Variants in CTNNA3 observed in about 807,000 individuals in gnomAD.
CTNNA3 encodes the protein catenin alpha-3.
In CTNNA3, 76 loss-of-function variants were observed where a neutral mutation model predicts 95.7. That is an observed-to-expected ratio of 0.79 (90% confidence interval 0.66 to 0.96). The LOEUF (loss-of-function observed/expected upper bound fraction) is 0.96, where lower values mean the gene tolerates loss of function less well. Among genes scored for constraint, CTNNA3 ranks in the 40% least tolerant of loss-of-function variants. CTNNA3 has a pLI of 0.00. For missense variants in CTNNA3, 1,191 were observed against 1,089.8 expected, an observed-to-expected ratio of 1.09 and a Z score of -1.31; for synonymous variants, 431 against 374.4, an observed-to-expected ratio of 1.15 and a Z score of -1.74.
At chr10:66,441,012 C>G (rs1209270081) in intron 11 of CTNNA3, among the ~76,000 whole-genome samples, 1 of 151,918 alleles carries the variant, frequency 6.6e-6, no homozygotes, top group Non-Finnish European at 1.5e-5. Context: ...TCTCTGGCAC[C>G]AAGCCAGGCA....
At chr10:67,667,747 A>T (rs191458926) in intron 1 of CTNNA3, among the ~76,000 whole-genome samples, 141 of 152,262 alleles carry the variant, frequency 9.3e-4, no homozygotes, top group African/African-American at 3.0e-3. Flanking sequence ...ATAACTAACA[A>T]TAGCCAGGTA....
intron 5 of CTNNA3, among the ~76,000 whole-genome samples, chr10:67,318,001 G>C (rs1841133963): frequency 8.5e-6 from 1 of 117,732 alleles, no homozygotes; most frequent in South Asian, 3.2e-4. Flanking sequence ...GGCTTAACAG[G>C]CAATGAAAAC....
At chr10:66,869,641 T>A (rs1362817626) in intron 7 of CTNNA3, among the ~76,000 whole-genome samples, 4 of 151,822 alleles carry the variant, frequency 2.6e-5, no homozygotes, top group African/African-American at 9.7e-5. Flanking sequence ...AGGTAAGTAG[T>A]AGAGGAGACA....
At chr10:67,726,156 T>A (rs1483600936) in intron 1 of CTNNA3, among the ~76,000 whole-genome samples, 3 of 109,786 alleles carry the variant, frequency 2.7e-5, no homozygotes, top group Non-Finnish European at 4.9e-5. Flanking sequence ...TATATTATAA[T>A]ATATAATCTT....
intron 9 of CTNNA3, among the ~76,000 whole-genome samples, chr10:66,701,852 C>G (rs553393868): frequency 1.3e-5 from 2 of 151,982 alleles, no homozygotes; most frequent in Admixed American, 6.6e-5. Flanking sequence ...ATGGGACCCA[C>G]GTCTAAATAC....
intron 1 of CTNNA3, among the ~76,000 whole-genome samples, chr10:67,705,545 G>A (rs1389307301): frequency 5.5e-5 from 8 of 146,306 alleles, no homozygotes; most frequent in East Asian, 4.1e-4. Flanking sequence ...AACAAACACC[G>A]CATATTCTCA....
At chr10:67,472,700 G>C (rs979251408) in intron 5 of CTNNA3, among the ~76,000 whole-genome samples, 8 of 152,134 alleles carry the variant, frequency 5.3e-5, no homozygotes, top group Admixed American at 3.3e-4. Flanking sequence ...GCCTGGGACT[G>C]GGGGGATAGG....
chr10:66,932,668 T>G (rs892245050), intron 7 of CTNNA3, among the ~76,000 whole-genome samples: 2 of 146,072 alleles, frequency 1.4e-5, no homozygotes, highest in Non-Finnish European at 3.0e-5. Flanking sequence ...TTAAATAGTT[T>G]GTATCAAATA....
In CTNNA3 at chr10:65,916,590, A is replaced by G. The variant is rs2077010798; in HGVS notation, c.*3740T>C. 6.6e-6 allele frequency: 1 copy of G among 152,200 alleles called. No individual in the cohort carries two copies. 9.4% of individuals were successfully genotyped at this position (152,200 alleles called of 1,614,324 possible). A position where few individuals can be genotyped will look rare whatever the true frequency, so the allele number is the denominator to read the frequency against. On this transcript the variant is annotated 3_prime_UTR_variant, in exon 18 of 18. Transcript: ENST00000433211. ...AATTTAAGAATGTTTTGGGGAATAG[A>G]AAGACTAAAGGAATAATGTTGCTGG...
intron 17 of CTNNA3, among the ~76,000 whole-genome samples, chr10:65,921,814 G>T (rs1483405714): frequency 1.3e-5 from 2 of 152,170 alleles, no homozygotes; most frequent in African/African-American, 4.8e-5. Context: ...TGAGTCTCAA[G>T]GTGTACCTGA....
Position 66,989,941 on chromosome 10 carries a change from C to G in CTNNA3, c.1047+190376G>C, listed in dbSNP as rs1589557219. The stretch of plus-strand genomic sequence containing the variant: ...TGTTCAAGAAATATTTGTTGAACTT[C>G]ATTAAAAAATTAAGATAGCCACCTC... On this transcript the variant is annotated intron_variant, in intron 7 of 17. Coordinates refer to ENST00000433211, the MANE Select transcript of CTNNA3 (RefSeq NM_013266.4). Among the ~76,000 whole-genome samples, 4 of 152,132 alleles carry G rather than the reference C, an allele frequency of 2.6e-5. No individual in the cohort carries two copies. The Middle Eastern group carries it at 0.01, about 388-fold the overall frequency.
At chr10:67,688,897 G>A (rs533161482) in intron 1 of CTNNA3, among the ~76,000 whole-genome samples, 97 of 152,246 alleles carry the variant, frequency 6.4e-4, no homozygotes, top group African/African-American at 2.1e-3. Flanking sequence ...TGTGCTCACC[G>A]ACGCAGCATC....
intron 7 of CTNNA3, among the ~76,000 whole-genome samples, chr10:67,132,327 T>C (rs564048092): frequency 6.6e-6 from 1 of 152,106 alleles, no homozygotes; most frequent in South Asian, 2.1e-4. Context: ...TAAGTAGAAA[T>C]CTAAGAGTCG....
At chr10:67,265,837 G>A (rs1033202643) in intron 5 of CTNNA3, among the ~76,000 whole-genome samples, 8 of 152,146 alleles carry the variant, frequency 5.3e-5, no homozygotes, top group African/African-American at 1.9e-4. Flanking sequence ...TTACTTCCTT[G>A]GAAAAACTGA....
chr10:67,661,422 T>C (rs1840186353), intron 1 of CTNNA3, among the ~76,000 whole-genome samples: 1 of 151,908 alleles, frequency 6.6e-6, no homozygotes. Flanking sequence ...TTGAAATGGA[T>C]CACAGAGCTA....
intron 9 of CTNNA3, among the ~76,000 whole-genome samples, chr10:66,646,367 G>A (rs558613943): frequency 2.0e-5 from 3 of 152,242 alleles, no homozygotes; most frequent in African/African-American, 7.2e-5. Flanking sequence ...CTTTAACTAT[G>A]TAGTCATCAC....
At chr10:67,064,055 C>T (rs1300002368) in intron 7 of CTNNA3, among the ~76,000 whole-genome samples, 1 of 152,164 alleles carries the variant, frequency 6.6e-6, no homozygotes, top group Non-Finnish European at 1.5e-5. Context: ...ATATACCTGA[C>T]GCTTCAGCTT....
At chr10:67,353,913 T>A (rs567924614) in intron 5 of CTNNA3, among the ~76,000 whole-genome samples, 1 of 152,144 alleles carries the variant, frequency 6.6e-6, no homozygotes, top group East Asian at 1.9e-4. Flanking sequence ...GAAGCTGCAA[T>A]GTCTCTAATG....
intron 1 of CTNNA3, among the ~76,000 whole-genome samples, chr10:67,751,896 A>C (rs1265627257): frequency 6.6e-6 from 1 of 151,950 alleles, no homozygotes; most frequent in Non-Finnish European, 1.5e-5. Context: ...CCAGAGGTTC[A>C]AAGAGGAGTG....
Sources: gnomAD v4.1 joint callset for allele counts (sites outside exome capture counted in the v4.1 genomes callset) on GRCh38, gnomAD v4.1.1 for gene constraint, MANE v1.5 for transcripts, NCBI Gene and HGNC (gene_info 2026-07-23, HGNC 2026-07-21) for gene names.